Variants in RABGAP1 observed in about 807,000 individuals in gnomAD.
RABGAP1 encodes rab GTPase-activating protein 1.
Under a neutral mutation model 137.6 loss-of-function variants are expected in RABGAP1, and 23 were observed. The ratio of observed to expected loss-of-function variants is 0.17; its 90% CI spans 0.12 to 0.24. The LOEUF is 0.24. RABGAP1 is among the 10% of genes least tolerant of loss of function. RABGAP1 has a pLI of 1.00. For missense variants in RABGAP1, 906 were observed against 1,275.8 expected (o/e 0.71, Z 4.42); for synonymous variants, 451 against 450.7 (o/e 1.00, Z -0.01).
In RABGAP1 at chr9:123,025,543, C is replaced by CTTTTTTTTTTTTTTTTTTTTTTTTTTTT. The variant is rs577474947; in HGVS notation, c.1794+5101_1794+5102insTTTTTTTTTTTTTTTTTTTTTTTTTTTT. On this transcript the variant is annotated intron_variant, in intron 13 of 25. Transcript: ENST00000373647. ...TTTTATTTGTTCAGATCTTTCTTTTCTTTTTTTTTTTTTTTTTGCCTTCAA... is the reference window on the plus strand; with the variant it reads ...TTTTATTTGTTCAGATCTTTCTTTTCTTTTTTTTTTTTTTTTTTTTTTTTTTTTTTTTTTTTTTTTTTTTTGCCTTCAA... 2.7e-5 allele frequency among the ~76,000 whole-genome samples: 2 copies of CTTTTTTTTTTTTTTTTTTTTTTTTTTTT among 74,998 alleles called. 1 individual carries two copies. 49.2% of individuals were successfully genotyped at this position (74,998 alleles called of 152,430 possible). A position where few individuals can be genotyped will look rare whatever the true frequency, so the allele number is the denominator to read the frequency against.
At chr9:123,085,006 C>T (rs1310702802) in intron 19 of RABGAP1, among the ~76,000 whole-genome samples, 2 of 152,216 alleles carry the variant, frequency 1.3e-5, no homozygotes, top group Non-Finnish European at 2.9e-5. Context: ...CACTCTTTCT[C>T]CATGTGTGTT....
intron 13 of RABGAP1, among the ~76,000 whole-genome samples, chr9:123,032,505 T>G (rs997748336): frequency 5.3e-5 from 8 of 152,350 alleles, no homozygotes; most frequent in African/African-American, 1.9e-4. Flanking sequence ...CAACTGCTGC[T>G]GCTTCAGATT....
At chr9:123,010,580 A>T (rs552636809) in intron 11 of RABGAP1, 52 bp downstream of exon 11, 1 of 1,516,674 alleles carries the variant, frequency 6.6e-7, no homozygotes, top group South Asian at 1.2e-5. Flanking sequence ...GACCATGCAA[A>T]CTATTAAAAT....
intron 6 of RABGAP1, among the ~76,000 whole-genome samples, chr9:122,994,906 C>T (rs1428376141): frequency 6.6e-6 from 1 of 152,066 alleles, no homozygotes; most frequent in African/African-American, 2.4e-5. Context: ...TGCTTGAGCC[C>T]ATGAGTTCGA....
intron 15 of RABGAP1, 147 bp from the exon 16 acceptor site, chr9:123,073,405 A>G: frequency 1.0e-6 from 1 of 953,542 alleles, no homozygotes; most frequent in Non-Finnish European, 1.6e-6. Context: ...TTTAAACACA[A>G]CCTTAGGCCT....
At chr9:122,931,809 T>C in the RABGAP1 span, among the ~76,000 whole-genome samples, 1 of 152,252 alleles carries the variant, frequency 6.6e-6, no homozygotes, top group Non-Finnish European at 1.5e-5. Context: ...TCAGCGGCTC[T>C]TCTGTAGCTG....
intron 13 of RABGAP1, among the ~76,000 whole-genome samples, chr9:123,026,588 C>T (rs1181501595): frequency 6.6e-6 from 1 of 152,150 alleles, no homozygotes; most frequent in Non-Finnish European, 1.5e-5. Flanking sequence ...CTCCTCAACC[C>T]TGGCCTCTAG....
At chr9:123,013,594 A>G (rs1054199610) in intron 11 of RABGAP1, among the ~76,000 whole-genome samples, 1 of 152,076 alleles carries the variant, frequency 6.6e-6, no homozygotes. Flanking sequence ...TGGCCTCCCA[A>G]AGTGCTGGGA....
At chr9:123,052,153 A>G (rs1282731916) in intron 13 of RABGAP1, among the ~76,000 whole-genome samples, 1 of 152,092 alleles carries the variant, frequency 6.6e-6, no homozygotes, top group Non-Finnish European at 1.5e-5. Context: ...ACTCCAACTC[A>G]ATACTGATAA....
chr9:123,098,666 CCTTT>C, intron 22 of RABGAP1, 45 bp from the exon 23 acceptor site: 1 of 1,552,206 alleles, frequency 6.4e-7, no homozygotes. Context: ...GGCAGAACTT[CCTTT>C]ATTTTTCTGT....
chr9:122,993,732 C>T (rs1199416067), intron 6 of RABGAP1, among the ~76,000 whole-genome samples: 4 of 152,052 alleles, frequency 2.6e-5, no homozygotes, highest in South Asian at 4.2e-4. Flanking sequence ...GGCGCAGTCT[C>T]GGCTCACTGC....
intron 13 of RABGAP1, among the ~76,000 whole-genome samples, chr9:123,038,896 A>T (rs1208753828): frequency 1.3e-5 from 2 of 152,118 alleles, no homozygotes; most frequent in Non-Finnish European, 2.9e-5. Flanking sequence ...ACTGAGAATA[A>T]AAAAATGTAG....
intron 13 of RABGAP1, chr9:123,034,706 T>G (rs575159800): frequency 6.2e-7 from 1 of 1,613,572 alleles, no homozygotes; most frequent in South Asian, 1.1e-5. Context: ...TCTGGCAACA[T>G]CATTGTGATT....
chr9:122,989,828 T>C (rs1438003413), intron 5 of RABGAP1: 2 of 516,456 alleles, frequency 3.9e-6, no homozygotes, highest in Non-Finnish European at 6.7e-6. Flanking sequence ...TAGGAAGTGA[T>C]TTTTAAATTG....
intron 21 of RABGAP1, among the ~76,000 whole-genome samples, chr9:123,090,848 T>G (rs901495811): frequency 3.9e-5 from 6 of 152,216 alleles, no homozygotes; most frequent in African/African-American, 1.4e-4. Context: ...GATGTTTCAT[T>G]TTTCTTTGCT....
chr9:122,990,402 A>T (rs1836606234), intron 6 of RABGAP1, 189 bp downstream of exon 6: 4 of 430,302 alleles, frequency 9.3e-6, no homozygotes, highest in African/African-American at 6.2e-5. Context: ...TAAAGCAATT[A>T]AAAAAATTGT....
At chr9:123,086,376 G>C (rs1270461363) in intron 19 of RABGAP1, among the ~76,000 whole-genome samples, 3 of 152,128 alleles carry the variant, frequency 2.0e-5, no homozygotes, top group Admixed American at 6.5e-5. Context: ...ACATGAACAG[G>C]GGACAACAAT....
intron 24 of RABGAP1, among the ~76,000 whole-genome samples, chr9:123,100,089 G>C (rs1316806315): frequency 6.6e-6 from 1 of 152,100 alleles, no homozygotes; most frequent in African/African-American, 2.4e-5. Context: ...CTGAGCTGCT[G>C]GACTCCAGGT....
At chr9:123,076,114 G>T (rs955899039) in intron 17 of RABGAP1, 131 bp from the exon 18 acceptor site, 5 of 913,242 alleles carry the variant, frequency 5.5e-6, no homozygotes, top group Non-Finnish European at 8.1e-6. Flanking sequence ...ATTTTTCAAG[G>T]TAGTTCTGAG....
Sources: allele counts gnomAD v4.1 joint callset (sites outside exome capture counted in the v4.1 genomes callset), GRCh38; gene constraint gnomAD v4.1.1; transcripts MANE v1.5; gene names NCBI Gene and HGNC (gene_info 2026-07-23, HGNC 2026-07-21).